The following CNTN6 variants were observed in gnomAD, a reference collection of about 807,000 sequenced individuals.
CNTN6 encodes the protein contactin 6, also known as contactin-6.
In CNTN6, 137 loss-of-function variants were observed where a neutral mutation model predicts 122.8. That is an observed-to-expected ratio of 1.12 (90% confidence interval 0.97 to 1.29). CNTN6 has a LOEUF of 1.29. CNTN6 is among the 50% of genes most tolerant of loss of function. CNTN6 has a pLI of 0.00. For synonymous variants in CNTN6, 570 were observed against 426.0 expected, an observed-to-expected ratio of 1.34 and a Z score of -4.16; for missense variants, 1,634 against 1,223.4, an observed-to-expected ratio of 1.34 and a Z score of -5.01.
chr3:1,389,583 A>G (rs1213421432), intron 20 of CNTN6, among the ~76,000 whole-genome samples: 1 of 152,178 alleles, frequency 6.6e-6, no homozygotes, highest in East Asian at 1.9e-4. Flanking sequence ...TTAAATGTAA[A>G]TGGACTAAAT....
At chr3:1,229,014 T>C (rs3796176) in intron 4 of CNTN6, among the ~76,000 whole-genome samples, 53,752 of 151,996 alleles carry the variant, frequency 0.35, 11,269 homozygotes, top group African/African-American at 0.58. Context: ...TGATTTTACA[T>C]ACACCACATA....
At chr3:1,214,008 C>G (rs2094088503) in intron 2 of CNTN6, among the ~76,000 whole-genome samples, 1 of 151,860 alleles carries the variant, frequency 6.6e-6, no homozygotes, top group Non-Finnish European at 1.5e-5. Flanking sequence ...TTCCCTCATT[C>G]ACTTCTCATT....
chr3:1,228,801 T>C (rs1303777465), intron 4 of CNTN6, among the ~76,000 whole-genome samples: 1 of 152,216 alleles, frequency 6.6e-6, no homozygotes, highest in Non-Finnish European at 1.5e-5. Flanking sequence ...TTTGAAAAAG[T>C]AATTGTTCTG....
At chr3:1,268,989 T>G (rs1339551490) in intron 4 of CNTN6, among the ~76,000 whole-genome samples, 1 of 151,944 alleles carries the variant, frequency 6.6e-6, no homozygotes, top group Non-Finnish European at 1.5e-5. Flanking sequence ...TCAAAAGTTA[T>G]AAAATAAATA....
At chr3:1,338,391 C>G (rs891351234) in intron 11 of CNTN6, among the ~76,000 whole-genome samples, 3 of 152,002 alleles carry the variant, frequency 2.0e-5, no homozygotes, top group Non-Finnish European at 2.9e-5. Flanking sequence ...GGTTAAGGAA[C>G]CTGAATTTGT....
chr3:1,384,748 C>A lies in CNTN6; in HGVS notation c.2518-863C>A, dbSNP rs1048300871. Among the ~76,000 whole-genome samples the A allele has an allele frequency of 4.6e-5, 4 of 87,072 alleles. No homozygotes were observed. The East Asian group carries it at 7.0e-4, about 15-fold the overall frequency. 57.1% of individuals were successfully genotyped at this position (87,072 alleles called of 152,430 possible). On this transcript the variant is annotated intron_variant, in intron 19 of 22. Coordinates refer to ENST00000446702, the MANE Select transcript of CNTN6 (RefSeq NM_001289080.2). Reference sequence around the variant, plus strand: ...ATACACACATATATATACATATATACACATATATATACATATATATACACA... The same window carrying A: ...ATACACACATATATATACATATATAAACATATATATACATATATATACACA...
At chr3:1,111,895 A>G (rs2091497621) in intron 1 of CNTN6, among the ~76,000 whole-genome samples, 1 of 152,142 alleles carries the variant, frequency 6.6e-6, no homozygotes, top group Admixed American at 6.6e-5. Flanking sequence ...AGAATAAAAT[A>G]AGAATGCTAT....
chr3:1,295,794 G>C lies in CNTN6; in HGVS notation c.648G>C (p.Gln216His). 6.2e-7 allele frequency: 1 copy of C among 1,611,606 alleles called. No individual in the cohort carries two copies. The highest frequency in any genetic ancestry group is 8.5e-7 in the Non-Finnish European group (1 of 1,177,726). The change falls in exon 6 of 23, where the codon CAG (glutamine) becomes CAC (histidine). Residue 216 changes from glutamine to histidine, a missense_variant. Coordinates refer to ENST00000446702, the MANE Select transcript of CNTN6 (RefSeq NM_001289080.2). Reference sequence around the variant, plus strand: ...AAGGTCCACCCACTCCATTAGTGCAGCGCACTGATGGTAAGATAATGAGTT... The same window carrying C: ...AAGGTCCACCCACTCCATTAGTGCACCGCACTGATGGTAAGATAATGAGTT... ...SVQGPPTPLV[Q>H]RTDGVMGEYE...
chr3:1,354,541 A>G (rs1706233571), intron 12 of CNTN6, among the ~76,000 whole-genome samples: 1 of 151,188 alleles, frequency 6.6e-6, no homozygotes, highest in Non-Finnish European at 1.5e-5. Flanking sequence ...TAACTGACTT[A>G]CTTATTATGG....
At chr3:1,132,089 C>T (rs902018040) in intron 1 of CNTN6, among the ~76,000 whole-genome samples, 21 of 152,106 alleles carry the variant, frequency 1.4e-4, no homozygotes, top group Non-Finnish European at 2.8e-4. Context: ...TATATGCGTA[C>T]ATCCTCTGAA....
chr3:1,250,447 C>CA (rs1209599943), intron 4 of CNTN6, among the ~76,000 whole-genome samples: 2 of 152,138 alleles, frequency 1.3e-5, no homozygotes, highest in African/African-American at 4.8e-5. Flanking sequence ...TCCACGTTTT[C>CA]ACAGCTGGAG....
intron 1 of CNTN6, among the ~76,000 whole-genome samples, chr3:1,134,424 G>A (rs997349733): frequency 3.3e-5 from 5 of 152,024 alleles, no homozygotes; most frequent in African/African-American, 9.7e-5. Flanking sequence ...TAAGCCCTTG[G>A]GGAAGCTCTG....
At chr3:1,249,689 AAATC>A (rs1228371842) in intron 4 of CNTN6, among the ~76,000 whole-genome samples, 2 of 152,220 alleles carry the variant, frequency 1.3e-5, no homozygotes, top group Non-Finnish European at 1.5e-5. Flanking sequence ...TGTTTTGCAT[AAATC>A]AATTCTATTT....
intron 4 of CNTN6, among the ~76,000 whole-genome samples, chr3:1,262,023 A>G (rs1285241976): frequency 6.6e-6 from 1 of 152,064 alleles, no homozygotes; most frequent in African/African-American, 2.4e-5. Context: ...TAAATGAAAA[A>G]CCCAATTGAG....
At chr3:1,170,581 G>C (rs2093342684) in intron 2 of CNTN6, among the ~76,000 whole-genome samples, 1 of 152,146 alleles carries the variant, frequency 6.6e-6, no homozygotes, top group South Asian at 2.1e-4. Context: ...TTAAACATTT[G>C]TACAAACCTT....
intron 20 of CNTN6, 122 bp downstream of exon 20, chr3:1,385,919 G>GTTTGTCCCTTAAATATGGATAC: frequency 1.1e-6 from 1 of 939,232 alleles, no homozygotes. Flanking sequence ...TGGTTAGTTG[G>GTTTGTCCCTTAAATATGGATAC]TTTGTCCCTT....
At chr3:1,188,107 C>T (rs900083453) in intron 2 of CNTN6, among the ~76,000 whole-genome samples, 3 of 152,104 alleles carry the variant, frequency 2.0e-5, no homozygotes, top group African/African-American at 7.2e-5. Context: ...CATAATGACC[C>T]AATGATGCAA....
intron 1 of CNTN6, among the ~76,000 whole-genome samples, chr3:1,114,834 A>G (rs534748949): frequency 6.6e-6 from 1 of 152,310 alleles, no homozygotes; most frequent in African/African-American, 2.4e-5. Context: ...AGGAGAAAAA[A>G]GTCACACTAA....
intron 12 of CNTN6, among the ~76,000 whole-genome samples, chr3:1,359,461 C>T (rs1575851269): frequency 6.6e-6 from 1 of 151,964 alleles, no homozygotes; most frequent in African/African-American, 2.4e-5. Context: ...ATCTGGGGTT[C>T]TCAGTAGTCT....
Sources: allele counts gnomAD v4.1 joint callset (sites outside exome capture counted in the v4.1 genomes callset), GRCh38; gene constraint gnomAD v4.1.1; transcripts MANE v1.5; gene names NCBI Gene and HGNC (gene_info 2026-07-23, HGNC 2026-07-21).